The following ROBO2 variants were observed in gnomAD, a reference collection of about 807,000 sequenced individuals.
ROBO2 encodes the protein roundabout guidance receptor 2.
A neutral mutation model predicts 160.8 loss-of-function variants in ROBO2; 53 were observed. The ratio of observed to expected loss-of-function variants is 0.33; its 90% CI spans 0.26 to 0.41. ROBO2 has a LOEUF of 0.41. Ranked by LOEUF, ROBO2 falls within the 10% of genes least tolerant of loss-of-function variation. The probability of loss-of-function intolerance (pLI) is 1.00; values close to 1 mark genes in which losing one functional copy is unlikely to be tolerated. For missense variants in ROBO2, 1,577 were observed against 1,722.4 expected, an observed-to-expected ratio of 0.92 and a Z score of 1.49; for synonymous variants, 664 against 611.7, an observed-to-expected ratio of 1.09 and a Z score of -1.26.
intron 2 of ROBO2, among the ~76,000 whole-genome samples, chr3:76,027,609 T>A (rs1219356509): frequency 1.3e-5 from 2 of 151,904 alleles, no homozygotes; most frequent in African/African-American, 4.8e-5. Flanking sequence ...CATCCTTTTC[T>A]GACAACAGTG....
At chr3:76,059,132 C>A (rs2067973937) in intron 2 of ROBO2, among the ~76,000 whole-genome samples, 2 of 151,826 alleles carry the variant, frequency 1.3e-5, no homozygotes, top group African/African-American at 4.8e-5. Flanking sequence ...GTCTTTATGG[C>A]AGCATGATTT....
At chr3:76,484,478 C>A (rs549465015) in intron 2 of ROBO2, among the ~76,000 whole-genome samples, 1 of 152,272 alleles carries the variant, frequency 6.6e-6, no homozygotes, top group African/African-American at 2.4e-5. Context: ...GGGGAGTCGG[C>A]TATGCAGCAC....
chr3:77,178,534 C>A (rs564654828), intron 2 of ROBO2, among the ~76,000 whole-genome samples: 4 of 151,846 alleles, frequency 2.6e-5, no homozygotes, highest in Non-Finnish European at 5.9e-5. Flanking sequence ...GAAAAAATAC[C>A]CATCCTTACT....
chr3:77,533,463 C>A (rs1027373943), intron 6 of ROBO2, among the ~76,000 whole-genome samples: 9 of 152,294 alleles, frequency 5.9e-5, no homozygotes, highest in African/African-American at 1.7e-4. Context: ...GCACTCTCCT[C>A]CGGAGACTGT....
intron 2 of ROBO2, among the ~76,000 whole-genome samples, chr3:76,733,196 T>C (rs541393957): frequency 6.6e-6 from 1 of 152,276 alleles, no homozygotes; most frequent in South Asian, 2.1e-4. Flanking sequence ...GCTGTGTCCC[T>C]GCCCAGAAGG....
At chr3:77,027,703 A>G (rs972696169) in intron 2 of ROBO2, among the ~76,000 whole-genome samples, 1 of 152,114 alleles carries the variant, frequency 6.6e-6, no homozygotes. Flanking sequence ...TGGAGGGTCC[A>G]ATTCAGAACT....
chr3:77,570,668 T>C (rs1265685438), intron 13 of ROBO2, among the ~76,000 whole-genome samples: 4 of 152,006 alleles, frequency 2.6e-5, no homozygotes, highest in Non-Finnish European at 5.9e-5. Flanking sequence ...CAGACTGGGG[T>C]GTGTCCAGTG....
At chr3:77,419,834 A>C (rs925251493) in intron 2 of ROBO2, among the ~76,000 whole-genome samples, 4 of 152,256 alleles carry the variant, frequency 2.6e-5, no homozygotes, top group Non-Finnish European at 5.9e-5. Context: ...AGAAAAGCCT[A>C]ATATTTTTGA....
chr3:76,985,049 G>A (rs1484659800), intron 2 of ROBO2, among the ~76,000 whole-genome samples: 4 of 152,086 alleles, frequency 2.6e-5, no homozygotes, highest in African/African-American at 9.6e-5. Context: ...ATAGAATGAT[G>A]TGAATAATCT....
At chr3:76,917,398 G>T (rs1271254531) in intron 2 of ROBO2, among the ~76,000 whole-genome samples, 1 of 152,150 alleles carries the variant, frequency 6.6e-6, no homozygotes, top group South Asian at 2.1e-4. Flanking sequence ...AAAAAATGAG[G>T]TTCTTCCTGA....
At chr3:76,976,171 A>C (rs1004358626) in intron 2 of ROBO2, among the ~76,000 whole-genome samples, 10 of 152,244 alleles carry the variant, frequency 6.6e-5, no homozygotes, top group African/African-American at 2.4e-4. Context: ...TAGAAACTAA[A>C]AAATGGAACT....
intron 2 of ROBO2, among the ~76,000 whole-genome samples, chr3:77,314,418 T>C (rs757730347): frequency 2.0e-5 from 3 of 152,232 alleles, no homozygotes; most frequent in Non-Finnish European, 2.9e-5. Context: ...TATGTGTTAT[T>C]GATGTGTTTT....
At chr3:76,749,151 TTAA>T (rs892062436) in intron 2 of ROBO2, among the ~76,000 whole-genome samples, 24 of 151,900 alleles carry the variant, frequency 1.6e-4, no homozygotes, top group Non-Finnish European at 2.8e-4. Context: ...TAATACTATG[TTAA>T]TAAATATAAT....
At chr3:76,738,734 A>T (rs755383649) in intron 2 of ROBO2, among the ~76,000 whole-genome samples, 2 of 152,218 alleles carry the variant, frequency 1.3e-5, no homozygotes, top group South Asian at 2.1e-4. Flanking sequence ...AAGCAAAGAA[A>T]TGTAGACAAG....
At chr3:77,422,581 C>A (rs1255976356) in intron 2 of ROBO2, among the ~76,000 whole-genome samples, 1 of 152,094 alleles carries the variant, frequency 6.6e-6, no homozygotes, top group African/African-American at 2.4e-5. Flanking sequence ...CAGATTCATT[C>A]AAATAGAACT....
chr3:77,156,885 A>G (rs1002573275), intron 2 of ROBO2, among the ~76,000 whole-genome samples: 7 of 152,018 alleles, frequency 4.6e-5, no homozygotes, highest in South Asian at 2.1e-4. Context: ...TCTAATGCTT[A>G]TATTATTTTT....
chr3:76,169,733 A>G (rs1287086040), intron 2 of ROBO2, among the ~76,000 whole-genome samples: 1 of 152,080 alleles, frequency 6.6e-6, no homozygotes, highest in African/African-American at 2.4e-5. Context: ...GTAATCTCCT[A>G]AATAATGACT....
intron 2 of ROBO2, among the ~76,000 whole-genome samples, chr3:77,252,624 G>A (rs1353099437): frequency 3.3e-5 from 5 of 150,626 alleles, no homozygotes; most frequent in Non-Finnish European, 5.9e-5. Context: ...TGGCTAACAC[G>A]GTGAAACCCC....
chr3:77,265,640 A>G (rs998391860), intron 2 of ROBO2, among the ~76,000 whole-genome samples: 1 of 152,132 alleles, frequency 6.6e-6, no homozygotes, highest in Non-Finnish European at 1.5e-5. Flanking sequence ...AGACATTCCT[A>G]TTGACAATTT....
Sources: allele counts gnomAD v4.1 joint callset (sites outside exome capture counted in the v4.1 genomes callset), GRCh38; gene constraint gnomAD v4.1.1; transcripts MANE v1.5; gene names NCBI Gene and HGNC (gene_info 2026-07-23, HGNC 2026-07-21).